CCDC69: variants seen among roughly 807,000 people sequenced by gnomAD.
CCDC69 encodes coiled-coil domain-containing protein 69.
A neutral mutation model predicts 40.3 loss-of-function variants in CCDC69; 38 were observed. The ratio of observed to expected loss-of-function variants is 0.94; its 90% confidence interval spans 0.73 to 1.24. The LOEUF (loss-of-function observed/expected upper bound fraction) is 1.24. Among genes scored for constraint, CCDC69 ranks in the 50% most tolerant of loss-of-function variants. CCDC69 has a pLI of 0.00. For synonymous variants in CCDC69, 141 were observed against 138.9 expected, an observed-to-expected ratio of 1.02 and a Z score of -0.11; for missense variants, 389 against 357.9, an observed-to-expected ratio of 1.09 and a Z score of -0.70.
intron 1 of CCDC69, among the ~76,000 whole-genome samples, chr5:151,208,506 C>T (rs1254998907): frequency 1.3e-5 from 2 of 152,202 alleles, no homozygotes; most frequent in Admixed American, 6.5e-5. Context: ...CCCAGGTCCT[C>T]GTGCCCCAAA....
intron 3 of CCDC69, 22 bp downstream of exon 3, chr5:151,201,560 G>A (rs73796627): frequency 2.6e-6 from 4 of 1,515,140 alleles, no homozygotes; most frequent in Non-Finnish European, 3.7e-6. Flanking sequence ...GAAAGACAGG[G>A]GGTGGGGGCA....
At position 151,205,376 on chromosome 5, in the gene CCDC69, GC is replaced by G. The variant is rs752325414; in HGVS notation, c.124+23del. Reference sequence around the variant, plus strand: ...AGGAACCTCACAGATGGCAGTTGGGGCCTTTGTGGGGCTGGCTACTCACCTG... The same window carrying G: ...AGGAACCTCACAGATGGCAGTTGGGGCTTTGTGGGGCTGGCTACTCACCTG... On this transcript the variant is annotated intron_variant, in intron 2 of 8. Transcript: ENST00000355417. 3 of 1,586,164 alleles carry G rather than the reference GC, an allele frequency of 1.9e-6. No individual in the cohort carries two copies. The African/African-American group carries it at 4.0e-5, about 21-fold the overall frequency.
At chr5:151,183,973 A>G (rs760015898) in intron 8 of CCDC69, among the ~76,000 whole-genome samples, 4 of 152,232 alleles carry the variant, frequency 2.6e-5, no homozygotes, top group Non-Finnish European at 5.9e-5. Context: ...AAATATGTAC[A>G]GTATTCAATA....
chr5:151,208,409 A>G (rs1363539729), intron 1 of CCDC69, among the ~76,000 whole-genome samples: 1 of 152,272 alleles, frequency 6.6e-6, no homozygotes, highest in Non-Finnish European at 1.5e-5. Context: ...GAAGTCTTCT[A>G]GAATAGCCTG....
chr5:151,219,474 G>A (rs915874814), intron 1 of CCDC69, among the ~76,000 whole-genome samples: 7 of 152,100 alleles, frequency 4.6e-5, no homozygotes, highest in East Asian at 1.9e-4. Context: ...AAAGAACCAC[G>A]CGTCCAAACC....
At position 151,184,460 on chromosome 5, in the gene CCDC69, G is replaced by T; in HGVS notation, c.616-19C>A. 1 of 1,538,066 alleles carries T rather than the reference G, an allele frequency of 6.5e-7. No individual in the cohort carries two copies. The highest frequency in any genetic ancestry group is 9.0e-7 in the Non-Finnish European group (1 of 1,110,852). ...TCTCTTTCTATAACAATGAGAATGA[G>T]CTCAGAAAGCTGCCAAACTCACGCT... On this transcript the variant is annotated intron_variant, in intron 7 of 8. Transcript: ENST00000355417.
chr5:151,212,022 G>C (rs1561604471), intron 1 of CCDC69: 1 of 151,244 alleles, frequency 6.6e-6, no homozygotes, highest in Non-Finnish European at 1.5e-5. Context: ...GGTGGTGGGG[G>C]GGGGAGTTGG....
In CCDC69 at chr5:151,223,930, G is replaced by A. The variant is rs1276410031; in HGVS notation, c.41C>T (p.Pro14Leu). 1.3e-6 allele frequency: 2 copies of A among 1,582,856 alleles called. No homozygotes were observed. The highest frequency in any genetic ancestry group is 8.6e-7 in the Non-Finnish European group (1 of 1,167,020). The change falls in exon 1 of 9, where the codon CCG (proline) becomes CTG (leucine). Residue 14 changes from proline (P) to leucine (L), a missense_variant. Pro to Leu is a moderately conservative substitution (Grantham distance 98, BLOSUM62 -3). Coordinates refer to ENST00000355417, the MANE Select transcript of CCDC69 (RefSeq NM_015621.3). ...RHSRLSSCKPPKKKRQEPEPE... is the reference protein window; with the variant it reads ...RHSRLSSCKPLKKKRQEPEPE... The stretch of plus-strand genomic sequence containing the variant: ...TCCGCCGGCGCCCTTTACCTTTTTC[G>A]GGGGTTTGCAGCTGCTCAGCCTGCT...
chr5:151,211,248 G>T (rs1198359812), intron 1 of CCDC69: 1 of 152,282 alleles, frequency 6.6e-6, no homozygotes, highest in East Asian at 1.9e-4. Flanking sequence ...GGCGGAGTTA[G>T]TTCCTGTTTT....
chr5:151,197,612 A>G (rs2113991305), intron 4 of CCDC69, among the ~76,000 whole-genome samples: 1 of 152,318 alleles, frequency 6.6e-6, no homozygotes, highest in South Asian at 2.1e-4. Context: ...TTTTGGGGTG[A>G]TGGCACTGTG....
chr5:151,220,591 G>A (rs1477470117), intron 1 of CCDC69, among the ~76,000 whole-genome samples: 1 of 152,172 alleles, frequency 6.6e-6, no homozygotes, highest in African/African-American at 2.4e-5. Flanking sequence ...ATGAAGGGCT[G>A]CTGAATGACT....
chr5:151,207,937 A>G (rs996913113), intron 1 of CCDC69, among the ~76,000 whole-genome samples: 1 of 152,176 alleles, frequency 6.6e-6, no homozygotes, highest in African/African-American at 2.4e-5. Context: ...TTCTAGATTC[A>G]ATTTTAAGAA....
Position 151,185,409 on chromosome 5 carries a change from C to T in CCDC69, c.615+13G>A. 1 of 1,613,402 alleles carries T rather than the reference C, an allele frequency of 6.2e-7. No homozygotes were observed. The highest frequency in any genetic ancestry group is 8.5e-7 in the Non-Finnish European group (1 of 1,179,518). On this transcript the variant is annotated intron_variant, in intron 7 of 8. Coordinates refer to ENST00000355417, the MANE Select transcript of CCDC69 (RefSeq NM_015621.3). ...CCTGAGGCTGCATCCCCCAGCCACT[C>T]CCAGTCACAGACCACTGTTTCCATG...
At chr5:151,215,874 C>T (rs1488230244) in intron 1 of CCDC69, among the ~76,000 whole-genome samples, 1 of 152,198 alleles carries the variant, frequency 6.6e-6, no homozygotes, top group Admixed American at 6.5e-5. Flanking sequence ...TGGATATACT[C>T]AGGGACATAA....
chr5:151,200,886 G>A (rs979544935), intron 3 of CCDC69, among the ~76,000 whole-genome samples: 6 of 152,132 alleles, frequency 3.9e-5, no homozygotes, highest in Non-Finnish European at 7.3e-5. Flanking sequence ...GTCCTTTCAC[G>A]GCACTGTAAA....
intron 2 of CCDC69, among the ~76,000 whole-genome samples, chr5:151,204,262 TG>T (rs1301904693): frequency 9.8e-5 from 15 of 152,294 alleles, no homozygotes; most frequent in African/African-American, 3.6e-4. Flanking sequence ...CTTGAACTCT[TG>T]GGCTCAAGCA....
At chr5:151,201,709 A>G (rs1752779329) in intron 2 of CCDC69, 21 bp from the exon 3 acceptor site, 4 of 1,504,030 alleles carry the variant, frequency 2.7e-6, no homozygotes, top group Non-Finnish European at 3.7e-6. Flanking sequence ...AAAAGCAAAA[A>G]AATAAAAATA....
Position 151,181,112 on chromosome 5 carries a change from T to C in CCDC69, c.*2325A>G, listed in dbSNP as rs1254627110. On this transcript the variant is annotated 3_prime_UTR_variant, in exon 9 of 9. Coordinates refer to ENST00000355417, the MANE Select transcript of CCDC69 (RefSeq NM_015621.3). Reference sequence around the variant, plus strand: ...CGTCTGTCCCAGAGTGAGGAGAAGTTGATCTCCTTCCCACATCCACCACAG... The same window carrying C: ...CGTCTGTCCCAGAGTGAGGAGAAGTCGATCTCCTTCCCACATCCACCACAG... 2 of 152,272 alleles carry C rather than the reference T, an allele frequency of 1.3e-5. No individual in the cohort carries two copies. Among genetic ancestry groups the C allele is most frequent in the Non-Finnish European group, 2.9e-5 (2 of 68,054 alleles). The allele number at this position is 152,272 out of a possible 1,614,324, so 9.4% of individuals were successfully genotyped here. A position where few individuals can be genotyped will look rare whatever the true frequency, so the allele number is the denominator to read the frequency against.
intron 4 of CCDC69, among the ~76,000 whole-genome samples, chr5:151,194,009 T>C (rs1027874403): frequency 6.6e-6 from 1 of 152,222 alleles, no homozygotes; most frequent in Admixed American, 6.5e-5. Flanking sequence ...AAACCTATGG[T>C]GAAGATTACT....
Sources: gnomAD v4.1 joint callset for allele counts (sites outside exome capture counted in the v4.1 genomes callset) on GRCh38, gnomAD v4.1.1 for gene constraint, MANE v1.5 for transcripts, NCBI Gene and HGNC (gene_info 2026-07-23, HGNC 2026-07-21) for gene names.